Variants in NTM observed in about 807,000 individuals in gnomAD.
NTM encodes the protein neurotrimin.
Under a neutral mutation model 42.1 loss-of-function variants are expected in NTM, and 13 were observed. The ratio of observed to expected loss-of-function variants is 0.31; its 90% confidence interval spans 0.20 to 0.49. The LOEUF (loss-of-function observed/expected upper bound fraction) is 0.49, where lower values mean the gene tolerates loss of function less well. Ranked by LOEUF, NTM falls within the 20% of genes least tolerant of loss-of-function variation. The pLI is 0.99. For missense variants in NTM, 373 were observed against 452.8 expected (o/e 0.82, Z 1.60); for synonymous variants, 187 against 179.2 (o/e 1.04, Z -0.35).
intron 1 of NTM, among the ~76,000 whole-genome samples, chr11:131,823,324 T>A (rs576104323): frequency 2.0e-5 from 3 of 152,192 alleles, no homozygotes; most frequent in Non-Finnish European, 4.4e-5. Context: ...GTTGAATTCA[T>A]CTAAATCTCT....
chr11:131,917,647 G>A (rs1320768395), intron 2 of NTM, among the ~76,000 whole-genome samples: 3 of 152,198 alleles, frequency 2.0e-5, no homozygotes, highest in Non-Finnish European at 4.4e-5. Flanking sequence ...GGCAGTGGTT[G>A]TGGTGGTATA....
chr11:132,098,477 A>C (rs989212639), intron 2 of NTM, among the ~76,000 whole-genome samples: 4 of 152,206 alleles, frequency 2.6e-5, no homozygotes, highest in Non-Finnish European at 4.4e-5. Context: ...TGCATGCTTC[A>C]TGGGTGGCAG....
intron 1 of NTM, among the ~76,000 whole-genome samples, chr11:131,683,788 G>A (rs565945149): frequency 1.3e-5 from 2 of 152,308 alleles, no homozygotes; most frequent in African/African-American, 4.8e-5. Flanking sequence ...TTAGAGGAAG[G>A]TCCCCTGGGG....
chr11:131,469,808 T>C (rs538106646), intron 1 of NTM, among the ~76,000 whole-genome samples: 2 of 152,364 alleles, frequency 1.3e-5, no homozygotes, highest in East Asian at 1.9e-4. Context: ...TGTAGAATAA[T>C]GAGAGCCAAG....
At chr11:131,928,202 G>A (rs2058174281) in intron 2 of NTM, among the ~76,000 whole-genome samples, 1 of 151,416 alleles carries the variant, frequency 6.6e-6, no homozygotes, top group African/African-American at 2.4e-5. Context: ...CTTTACAAGG[G>A]TTACCCAATG....
chr11:131,641,038 C>G (rs986302754), intron 1 of NTM, among the ~76,000 whole-genome samples: 2 of 152,156 alleles, frequency 1.3e-5, no homozygotes, highest in Non-Finnish European at 2.9e-5. Context: ...CACAAGCAAC[C>G]GCATATTCTT....
chr11:131,982,304 G>C (rs896422542), intron 2 of NTM, among the ~76,000 whole-genome samples: 1 of 152,110 alleles, frequency 6.6e-6, no homozygotes, highest in African/African-American at 2.4e-5. Flanking sequence ...CCAGTGTGGG[G>C]TTTCTTTGTT....
chr11:132,057,823 A>C (rs1406749059), intron 2 of NTM, among the ~76,000 whole-genome samples: 1 of 152,026 alleles, frequency 6.6e-6, no homozygotes, highest in Non-Finnish European at 1.5e-5. Flanking sequence ...GACTTCTCTC[A>C]CTGGCGCTGT....
At chr11:132,210,890 C>A (rs1046413336) in intron 3 of NTM, among the ~76,000 whole-genome samples, 1 of 152,142 alleles carries the variant, frequency 6.6e-6, no homozygotes, top group African/African-American at 2.4e-5. Context: ...CTGTCTCCAA[C>A]TTTACCTATT....
intron 1 of NTM, among the ~76,000 whole-genome samples, chr11:131,623,537 T>C (rs372409948): frequency 1.1e-4 from 17 of 152,342 alleles, no homozygotes; most frequent in East Asian, 9.7e-4. Flanking sequence ...GCTGCTTGCA[T>C]GTTTAAATGA....
intron 2 of NTM, among the ~76,000 whole-genome samples, chr11:132,057,598 T>G (rs1362524985): frequency 6.6e-6 from 1 of 152,346 alleles, no homozygotes; most frequent in East Asian, 1.9e-4. Context: ...TCCTTTCCTC[T>G]GTACTTCTGC....
intron 1 of NTM, among the ~76,000 whole-genome samples, chr11:131,805,986 A>G (rs1233263306): frequency 6.6e-6 from 1 of 152,250 alleles, no homozygotes; most frequent in Non-Finnish European, 1.5e-5. Context: ...ACATGATAAC[A>G]TATTTTCTAT....
At chr11:131,478,750 C>T (rs1385970096) in intron 1 of NTM, among the ~76,000 whole-genome samples, 1 of 152,176 alleles carries the variant, frequency 6.6e-6, no homozygotes, top group Non-Finnish European at 1.5e-5. Flanking sequence ...ATGTTCCTAC[C>T]CAGAAATGGT....
chr11:132,106,519 A>C (rs774315561), intron 2 of NTM, among the ~76,000 whole-genome samples: 2 of 152,224 alleles, frequency 1.3e-5, no homozygotes, highest in African/African-American at 2.4e-5. Context: ...ACGCCAAAGG[A>C]GCTGCCAAGA....
At chr11:131,509,515 G>C (rs772553544) in intron 1 of NTM, among the ~76,000 whole-genome samples, 1 of 152,176 alleles carries the variant, frequency 6.6e-6, no homozygotes, top group Non-Finnish European at 1.5e-5. Context: ...CAAATCTTAA[G>C]CAAGCAGTTG....
chr11:131,909,418 T>G (rs766916489), intron 1 of NTM, among the ~76,000 whole-genome samples: 1 of 152,332 alleles, frequency 6.6e-6, no homozygotes, highest in Non-Finnish European at 1.5e-5. Context: ...TGATACCGGA[T>G]GGCTTTTTGG....
chr11:132,301,468 C>T (rs2094854109), intron 4 of NTM, among the ~76,000 whole-genome samples: 1 of 152,182 alleles, frequency 6.6e-6, no homozygotes, highest in South Asian at 2.1e-4. Context: ...CATGAGACCT[C>T]AAAATCAGTT....
chr11:131,972,716 A>G (rs2063736456), intron 2 of NTM, among the ~76,000 whole-genome samples: 1 of 152,174 alleles, frequency 6.6e-6, no homozygotes, highest in Non-Finnish European at 1.5e-5. Flanking sequence ...TGGTTTCCAT[A>G]AGGCTCTCAA....
chr11:132,181,031 G>T (rs1040993920), intron 3 of NTM, among the ~76,000 whole-genome samples: 1 of 152,220 alleles, frequency 6.6e-6, no homozygotes, highest in African/African-American at 2.4e-5. Flanking sequence ...AGTAAGACAA[G>T]TGATTGTGCT....
Sources: gnomAD v4.1 joint callset for allele counts (sites outside exome capture counted in the v4.1 genomes callset) on GRCh38, gnomAD v4.1.1 for gene constraint, MANE v1.5 for transcripts, NCBI Gene and HGNC (gene_info 2026-07-23, HGNC 2026-07-21) for gene names.